Variants in GHR observed in about 807,000 individuals in gnomAD.
The protein encoded by GHR is growth hormone receptor, also known as GH receptor.
In GHR, 35 loss-of-function variants were observed where a neutral mutation model predicts 67.1. The ratio of observed to expected loss-of-function variants is 0.52; its 90% CI spans 0.40 to 0.69. The LOEUF is 0.69. GHR is among the 30% of genes least tolerant of loss of function. The pLI, the probability that GHR is intolerant of heterozygous loss-of-function variation, is 0.00. For missense variants in GHR, 792 were observed against 764.6 expected (o/e 1.04, Z -0.42); for synonymous variants, 272 against 269.1 (o/e 1.01, Z -0.10).
chr5:42,454,422 C>T (rs773724204), intron 1 of GHR, among the ~76,000 whole-genome samples: 2 of 152,156 alleles, frequency 1.3e-5, no homozygotes, highest in Non-Finnish European at 2.9e-5. Flanking sequence ...TGGCCTCCAG[C>T]CAGGAGGTGG....
chr5:42,708,967 T>C (rs547043224), intron 6 of GHR, among the ~76,000 whole-genome samples: 2 of 152,320 alleles, frequency 1.3e-5, no homozygotes, highest in South Asian at 4.1e-4. Flanking sequence ...CAGGGGCTTA[T>C]ATATAATAAT....
chr5:42,686,210 A>ATTGC (rs1757131992), intron 3 of GHR, among the ~76,000 whole-genome samples: 1 of 152,126 alleles, frequency 6.6e-6, no homozygotes, highest in Non-Finnish European at 1.5e-5. Context: ...TCCTTTCCCC[A>ATTGC]TTGCTTGTTT....
rs1742720815 is a variant in GHR at position 42,423,823 on chromosome 5, C to T, written c.-144C>T. 6.1e-6 allele frequency: 1 copy of T among 164,008 alleles called. No homozygotes were observed. Among genetic ancestry groups the T allele is most frequent in the Non-Finnish European group, 1.3e-5 (1 of 77,726 alleles). 10.2% of individuals were successfully genotyped at this position (164,008 alleles called of 1,614,324 possible). A position where few individuals can be genotyped will look rare whatever the true frequency, so the allele number is the denominator to read the frequency against. On this transcript the variant is annotated 5_prime_UTR_variant, in exon 1 of 10. Coordinates refer to ENST00000230882, the MANE Select transcript of GHR (RefSeq NM_000163.5). ...GCAGCAGCTGCTACAGTGGCGGTGGCGGCGGCGGCTGCTGCTGAGCCCGGG... is the reference window on the plus strand; with the variant it reads ...GCAGCAGCTGCTACAGTGGCGGTGGTGGCGGCGGCTGCTGCTGAGCCCGGG...
rs1265183941 is a variant in GHR, at chr5:42,467,031, C to T, written c.-12+43076C>T. On this transcript the variant is annotated intron_variant, in intron 1 of 9. Coordinates refer to ENST00000230882, the MANE Select transcript of GHR (RefSeq NM_000163.5). ...GGCTCAACCTCTGTCTGAAGGCCTT[C>T]CCACACTCATTACACATGTAAGGTT... 9 of 1,572,652 alleles carry T rather than the reference C, an allele frequency of 5.7e-6. No homozygotes were observed. In the East Asian group the frequency reaches 1.8e-4, roughly 31 times the overall value.
At chr5:42,565,620 C>A (rs1303812885) in intron 1 of GHR, 2 of 983,832 alleles carry the variant, frequency 2.0e-6, no homozygotes, top group Non-Finnish European at 2.4e-6. Flanking sequence ...GTATGAACAT[C>A]TCTAGTGTTC....
chr5:42,718,252 A>AT (rs35413603), intron 9 of GHR, 131 bp downstream of exon 9: 3 of 716,104 alleles, frequency 4.2e-6, no homozygotes, highest in South Asian at 1.7e-5. Context: ...CCTGGAGAAA[A>AT]TTTTTTTAAA....
chr5:42,540,842 A>G (rs1320049687), intron 1 of GHR, among the ~76,000 whole-genome samples: 1 of 152,004 alleles, frequency 6.6e-6, no homozygotes, highest in Non-Finnish European at 1.5e-5. Flanking sequence ...AACAACCAAT[A>G]TCAGTGTTCC....
At chr5:42,564,124 C>G (rs769142778) in intron 1 of GHR, among the ~76,000 whole-genome samples, 1 of 149,784 alleles carries the variant, frequency 6.7e-6, no homozygotes, top group Non-Finnish European at 1.5e-5. Flanking sequence ...TTTGAAATCT[C>G]ACAAAGTGTG....
At chr5:42,508,580 G>GTTTT (rs1746875357) in intron 1 of GHR, among the ~76,000 whole-genome samples, 2 of 152,094 alleles carry the variant, frequency 1.3e-5, no homozygotes, top group East Asian at 1.9e-4. Context: ...TTGTTTGTTT[G>GTTTT]TTTGTTTGTT....
chr5:42,464,190 C>T (rs542791479), intron 1 of GHR, among the ~76,000 whole-genome samples: 2 of 152,068 alleles, frequency 1.3e-5, no homozygotes, highest in East Asian at 3.9e-4. Flanking sequence ...CAGAGCTCCT[C>T]AGCTATCTGC....
At chr5:42,461,862 C>A (rs13156541) in intron 1 of GHR, among the ~76,000 whole-genome samples, 1 of 152,046 alleles carries the variant, frequency 6.6e-6, no homozygotes. Context: ...TCTAGCAGGA[C>A]AGACTGGTAG....
chr5:42,625,026 G>T (rs1235102016), intron 2 of GHR, among the ~76,000 whole-genome samples: 2 of 152,090 alleles, frequency 1.3e-5, no homozygotes, highest in African/African-American at 4.8e-5. Context: ...GAGAGTAAAT[G>T]ATCTATAGAT....
intron 3 of GHR, among the ~76,000 whole-genome samples, chr5:42,682,300 A>G (rs978749620): frequency 2.6e-5 from 4 of 152,240 alleles, no homozygotes; most frequent in African/African-American, 7.2e-5. Flanking sequence ...TGGATGTTGA[A>G]CTATACTATT....
At chr5:42,675,420 T>A (rs1391822387) in intron 3 of GHR, among the ~76,000 whole-genome samples, 1 of 152,102 alleles carries the variant, frequency 6.6e-6, no homozygotes. Flanking sequence ...AAAGAATTAA[T>A]GGATAAAGAG....
intron 1 of GHR, among the ~76,000 whole-genome samples, chr5:42,444,213 G>A (rs1743714545): frequency 6.6e-6 from 1 of 152,022 alleles, no homozygotes; most frequent in African/African-American, 2.4e-5. Context: ...AGGATGGTGA[G>A]CATTTTATAA....
intron 3 of GHR, among the ~76,000 whole-genome samples, chr5:42,636,940 G>A (rs1026341368): frequency 2.0e-5 from 3 of 152,112 alleles, no homozygotes; most frequent in Non-Finnish European, 2.9e-5. Flanking sequence ...AGGAAAAAAT[G>A]TTACACAACT....
chr5:42,497,442 A>C (rs887347515), intron 1 of GHR, among the ~76,000 whole-genome samples: 3 of 152,184 alleles, frequency 2.0e-5, no homozygotes, highest in Non-Finnish European at 2.9e-5. Context: ...TATTGGTGAC[A>C]GTATTATCTA....
intron 2 of GHR, among the ~76,000 whole-genome samples, chr5:42,579,307 T>G (rs1306409955): frequency 6.6e-6 from 1 of 152,202 alleles, no homozygotes; most frequent in African/African-American, 2.4e-5. Context: ...TTCCAGGGTA[T>G]TCTACATTAA....
chr5:42,533,317 G>C (rs1748064521), intron 1 of GHR, among the ~76,000 whole-genome samples: 1 of 151,788 alleles, frequency 6.6e-6, no homozygotes, highest in Non-Finnish European at 1.5e-5. Context: ...ATCCTAATAT[G>C]TGTCATAATA....
Sources: allele counts gnomAD v4.1 joint callset (sites outside exome capture counted in the v4.1 genomes callset), GRCh38; gene constraint gnomAD v4.1.1; transcripts MANE v1.5; gene names NCBI Gene and HGNC (gene_info 2026-07-23, HGNC 2026-07-21).